Variants in IGFL2 observed in about 807,000 individuals in gnomAD.
IGFL2 encodes the protein IGF like family member 2.
IGFL2 carries 7 observed loss-of-function variants against 13.9 expected under a neutral mutation model. The observed-to-expected ratio is 0.51, with a 90% CI of 0.29 to 0.95. IGFL2 has a LOEUF of 0.95. IGFL2 is among the 40% of genes least tolerant of loss of function. IGFL2 has a pLI of 0.08. For missense variants in IGFL2, 138 were observed against 147.8 expected, an observed-to-expected ratio of 0.93 and a Z score of 0.34; for synonymous variants, 55 against 55.8, an observed-to-expected ratio of 0.99 and a Z score of 0.07.
chr19:46,178,139 T>A, the IGFL2 span, among the ~76,000 whole-genome samples: 2 of 152,092 alleles, frequency 1.3e-5, no homozygotes, highest in Non-Finnish European at 2.9e-5. Context: ...TAGTCGGGCA[T>A]GGTGGCGCAT....
chr19:46,159,587 C>T (rs1213177998), intron 1 of IGFL2: 1 of 152,126 alleles, frequency 6.6e-6, no homozygotes, highest in African/African-American at 2.4e-5. Context: ...CAAAAGCTGC[C>T]TGTACATGTT....
chr19:46,092,233 C>T, the IGFL2 span, among the ~76,000 whole-genome samples: 5,381 of 152,220 alleles, frequency 0.035, 147 homozygotes, highest in East Asian at 0.072. Flanking sequence ...GGTGATGGCT[C>T]ACTGCACCCT....
At chr19:46,131,686 C>T in the IGFL2 span, among the ~76,000 whole-genome samples, 1 of 152,148 alleles carries the variant, frequency 6.6e-6, no homozygotes, top group East Asian at 1.9e-4. Context: ...TGCCTGTAAT[C>T]GCAGCACTTT....
the IGFL2 span, chr19:46,137,353 C>T: frequency 8.8e-7 from 1 of 1,139,850 alleles, no homozygotes; most frequent in South Asian, 1.2e-5. Context: ...CGTTGATGAA[C>T]CAGTTACAGA....
intron 1 of IGFL2, among the ~76,000 whole-genome samples, chr19:46,153,839 A>ATATATATATTTTTT (rs1198396702): frequency 7.2e-6 from 1 of 139,366 alleles, no homozygotes; most frequent in African/African-American, 2.7e-5. Context: ...ATATATATAT[A>ATATATATATTTTTT]TTTTTTTTAC....
intron 1 of IGFL2, among the ~76,000 whole-genome samples, chr19:46,156,653 G>A (rs1011942070): frequency 3.3e-5 from 5 of 152,156 alleles, no homozygotes; most frequent in Middle Eastern, 3.4e-3. Flanking sequence ...AGTGCTAAGT[G>A]TGAAACTTAT....
At chr19:46,157,086 C>A (rs1973865148) in intron 1 of IGFL2, among the ~76,000 whole-genome samples, 1 of 152,132 alleles carries the variant, frequency 6.6e-6, no homozygotes, top group Admixed American at 6.5e-5. Flanking sequence ...TGAAATACAT[C>A]ATTTTAGTAG....
chr19:46,094,312 A>G, the IGFL2 span, among the ~76,000 whole-genome samples: 4 of 152,076 alleles, frequency 2.6e-5, no homozygotes, highest in Admixed American at 6.6e-5. Flanking sequence ...CTTTTTATCA[A>G]AAGTAAGAAA....
At chr19:46,213,439 G>C in the IGFL2 span, 1 of 153,186 alleles carries the variant, frequency 6.5e-6, no homozygotes, top group Non-Finnish European at 1.5e-5. Flanking sequence ...AGCTCACTCC[G>C]CTGCAGCCGC....
chr19:46,167,886 G>T, the IGFL2 span, among the ~76,000 whole-genome samples: 4 of 152,274 alleles, frequency 2.6e-5, 1 homozygote, highest in Middle Eastern at 6.8e-3. Flanking sequence ...AACAGAAACG[G>T]CATTGACCAG....
At chr19:46,104,835 G>A in the IGFL2 span, among the ~76,000 whole-genome samples, 1 of 152,190 alleles carries the variant, frequency 6.6e-6, no homozygotes, top group African/African-American at 2.4e-5. Flanking sequence ...ACATGGAAGA[G>A]GTTCTGAAAA....
At chr19:46,158,352 G>A (rs995400673) in intron 1 of IGFL2, among the ~76,000 whole-genome samples, 1 of 152,036 alleles carries the variant, frequency 6.6e-6, no homozygotes, top group African/African-American at 2.4e-5. Flanking sequence ...GGGATTACAG[G>A]TGCGCACTAC....
At chr19:46,137,281 C>T in the IGFL2 span, 16 of 1,175,356 alleles carry the variant, frequency 1.4e-5, no homozygotes, top group East Asian at 9.4e-5. Context: ...TGTCAGGATG[C>T]GTACACCACA....
chr19:46,170,343 A>G, the IGFL2 span, among the ~76,000 whole-genome samples: 1 of 152,076 alleles, frequency 6.6e-6, no homozygotes, highest in Admixed American at 6.6e-5. Flanking sequence ...CCCAATCAAT[A>G]CTCTTATAAT....
chr19:46,141,578 C>T (rs1292671613), upstream of IGFL2, among the ~76,000 whole-genome samples: 1 of 152,134 alleles, frequency 6.6e-6, no homozygotes, highest in Non-Finnish European at 1.5e-5. Flanking sequence ...CCCATGGTGG[C>T]CCTCTGTCAT....
chr19:46,153,988 TC>T (rs914538763), intron 1 of IGFL2, among the ~76,000 whole-genome samples: 3 of 151,958 alleles, frequency 2.0e-5, no homozygotes, highest in Non-Finnish European at 4.4e-5. Context: ...GCTTCCCTTT[TC>T]CCCCAAGACC....
chr19:46,093,237 A>G, the IGFL2 span, among the ~76,000 whole-genome samples: 30 of 152,198 alleles, frequency 2.0e-4, no homozygotes, highest in African/African-American at 7.0e-4. Flanking sequence ...TCTCAGCTTT[A>G]TAAAATGCAT....
chr19:46,194,599 G>A, the IGFL2 span, among the ~76,000 whole-genome samples: 186 of 152,016 alleles, frequency 1.2e-3, no homozygotes, highest in African/African-American at 4.1e-3. Context: ...GGGGAGGTGG[G>A]TCACTTGAGA....
At chr19:46,151,058 C>T (rs780591077) in intron 1 of IGFL2, among the ~76,000 whole-genome samples, 1 of 152,190 alleles carries the variant, frequency 6.6e-6, no homozygotes, top group South Asian at 2.1e-4. Context: ...ATATCATTTG[C>T]TTATCTCCCT....
Sources: allele counts gnomAD v4.1 joint callset (sites outside exome capture counted in the v4.1 genomes callset), GRCh38; gene constraint gnomAD v4.1.1; transcripts MANE v1.5; gene names NCBI Gene and HGNC (gene_info 2026-07-23, HGNC 2026-07-21).